The following GOT1 variants were observed in gnomAD, a reference collection of about 807,000 sequenced individuals.
The protein encoded by GOT1 is glutamic-oxaloacetic transaminase 1, also known as aspartate aminotransferase, cytoplasmic.
In GOT1, 25 loss-of-function variants were observed where a neutral mutation model predicts 48.2. The observed-to-expected ratio is 0.52, with a 90% CI of 0.38 to 0.72. The LOEUF (loss-of-function observed/expected upper bound fraction) is 0.72. Among genes scored for constraint, GOT1 ranks in the 30% least tolerant of loss-of-function variants. GOT1 has a pLI of 0.00. For missense variants in GOT1, 380 were observed against 520.1 expected (o/e 0.73, Z 2.62); for synonymous variants, 188 against 193.8 (o/e 0.97, Z 0.25).
At chr10:99,418,718 G>C (rs1427790714) in intron 2 of GOT1, among the ~76,000 whole-genome samples, 2 of 151,962 alleles carry the variant, frequency 1.3e-5, no homozygotes, top group Non-Finnish European at 2.9e-5. Flanking sequence ...ACCCAGGCTG[G>C]TCTTGAACTC....
chr10:99,407,759 A>C (rs1002927628), intron 2 of GOT1, among the ~76,000 whole-genome samples: 1 of 150,474 alleles, frequency 6.6e-6, no homozygotes, highest in Non-Finnish European at 1.5e-5. Context: ...AAGTGACCTA[A>C]CATAGGCAAT....
At chr10:99,402,776 G>A (rs1371937863) in intron 7 of GOT1, 54 bp from the exon 8 acceptor site, 23 of 1,473,710 alleles carry the variant, frequency 1.6e-5, no homozygotes, top group Admixed American at 6.8e-5. Context: ...GATGGTACCC[G>A]AAAACACACA....
chr10:99,406,610 T>C (rs1335367760), intron 3 of GOT1, 116 bp downstream of exon 3: 3 of 1,020,980 alleles, frequency 2.9e-6, no homozygotes, highest in Non-Finnish European at 3.0e-6. Flanking sequence ...GTTCAAGCCA[T>C]TCCCAACAGT....
At chr10:99,402,554 G>A (rs2032695150) in intron 8 of GOT1, 26 bp downstream of exon 8, 2 of 1,613,248 alleles carry the variant, frequency 1.2e-6, no homozygotes, top group African/African-American at 2.7e-5. Context: ...TGCACGCATG[G>A]GCTGGAGGTG....
At chr10:99,406,638 G>T in intron 3 of GOT1, 88 bp downstream of exon 3, 3 of 1,331,464 alleles carry the variant, frequency 2.3e-6, no homozygotes, top group East Asian at 4.8e-5. Context: ...TCTAGGGCTG[G>T]ATTACATTTT....
Position 99,430,472 on chromosome 10 carries a change from G to A in GOT1, c.94C>T (p.Arg32Cys), listed in dbSNP as rs2033104869. 1 of 1,610,842 alleles carries A rather than the reference G, an allele frequency of 6.2e-7. No individual in the cohort carries two copies. Among genetic ancestry groups the A allele is most frequent in the African/African-American group, 1.3e-5 (1 of 74,978 alleles). ...CCTCCCACTCCCAGGTTGACCTTGC[G>A]GGGGTCCGGATCCTCCCTGAAGTCG... ...TADFREDPDP[R>C]KVNLGVGAYR... The change falls in exon 1 of 9, where the codon CGC becomes TGC. Residue 32 changes from arginine (R) to cysteine (C), a missense_variant. Coordinates refer to ENST00000370508, the MANE Select transcript of GOT1 (RefSeq NM_002079.3).
chr10:99,429,385 G>A (rs2033085167), intron 1 of GOT1, among the ~76,000 whole-genome samples: 1 of 149,004 alleles, frequency 6.7e-6, no homozygotes, highest in Admixed American at 6.7e-5. Context: ...GCTATGCACA[G>A]ACAAAACGTT....
intron 7 of GOT1, 93 bp downstream of exon 7, chr10:99,403,376 C>A: frequency 9.4e-7 from 1 of 1,062,758 alleles, no homozygotes; most frequent in South Asian, 1.6e-5. Context: ...CTGCTTCTGC[C>A]AAAATGAAAG....
chr10:99,430,191 A>C (rs1488143427), intron 1 of GOT1: 1 of 965,414 alleles, frequency 1.0e-6, no homozygotes, highest in Non-Finnish European at 1.6e-6. Context: ...GGGGAATCGG[A>C]AAGACTGAGT....
At chr10:99,429,337 C>A (rs924300567) in intron 1 of GOT1, among the ~76,000 whole-genome samples, 2 of 150,498 alleles carry the variant, frequency 1.3e-5, no homozygotes, top group African/African-American at 4.9e-5. Flanking sequence ...CCTGAGCCAC[C>A]GCGCCCGGCC....
chr10:99,423,543 T>C (rs2032998047), intron 1 of GOT1, among the ~76,000 whole-genome samples: 1 of 152,246 alleles, frequency 6.6e-6, no homozygotes, highest in South Asian at 2.1e-4. Context: ...TGGACAGGGC[T>C]ACAGACTGAC....
intron 2 of GOT1, among the ~76,000 whole-genome samples, chr10:99,420,065 G>T (rs564630486): frequency 1.3e-5 from 2 of 152,202 alleles, no homozygotes; most frequent in African/African-American, 4.8e-5. Context: ...GCATCTACTA[G>T]TAGCTCCTGA....
chr10:99,427,534 G>T (rs557903129), intron 1 of GOT1, among the ~76,000 whole-genome samples: 37 of 152,330 alleles, frequency 2.4e-4, no homozygotes, highest in African/African-American at 7.9e-4. Flanking sequence ...CTCCCAAAGC[G>T]TTGGGATTAC....
intron 1 of GOT1, among the ~76,000 whole-genome samples, chr10:99,427,683 C>T (rs1027267656): frequency 6.6e-6 from 1 of 152,182 alleles, no homozygotes; most frequent in African/African-American, 2.4e-5. Flanking sequence ...GGCTGGACCA[C>T]GGTGCTGGGC....
rs989239971 is a variant in GOT1 at position 99,402,810 on chromosome 10, G to C, written c.960-88C>G. 10 of 1,093,220 alleles carry C rather than the reference G, an allele frequency of 9.1e-6. No individual in the cohort carries two copies. The African/African-American group carries it at 1.2e-4, about 13-fold the overall frequency. 67.7% of individuals were successfully genotyped at this position (1,093,220 alleles called of 1,614,324 possible). ...CAGGTTTAAAAACTCTAATTTAAAC[G>C]ACAGCTGACAATGGGATCATAACCT... On this transcript the variant is annotated intron_variant, in intron 7 of 8. Transcript: ENST00000370508.
intron 2 of GOT1, among the ~76,000 whole-genome samples, chr10:99,418,519 T>G (rs2032927461): frequency 6.6e-6 from 1 of 151,648 alleles, no homozygotes; most frequent in Admixed American, 6.6e-5. Flanking sequence ...TCTTTTCTTT[T>G]GAGACAGGGT....
intron 8 of GOT1, among the ~76,000 whole-genome samples, chr10:99,399,774 AAAAT>A (rs1248398094): frequency 2.6e-5 from 4 of 152,208 alleles, no homozygotes; most frequent in East Asian, 1.9e-4. Flanking sequence ...CTCTGACTCA[AAAAT>A]AAATAAATAA....
At chr10:99,411,656 G>T (rs2032829387) in intron 2 of GOT1, among the ~76,000 whole-genome samples, 1 of 152,178 alleles carries the variant, frequency 6.6e-6, no homozygotes, top group Admixed American at 6.5e-5. Context: ...TAGTCAAAAA[G>T]ATTACATTTA....
chr10:99,411,699 G>A (rs1246562971), intron 2 of GOT1, among the ~76,000 whole-genome samples: 1 of 152,194 alleles, frequency 6.6e-6, no homozygotes, highest in African/African-American at 2.4e-5. Flanking sequence ...CTGAATGCAA[G>A]GGCAGGGGAT....
Sources: allele counts gnomAD v4.1 joint callset (sites outside exome capture counted in the v4.1 genomes callset), GRCh38; gene constraint gnomAD v4.1.1; transcripts MANE v1.5; gene names NCBI Gene and HGNC (gene_info 2026-07-23, HGNC 2026-07-21).